CACNA2D3: variants seen among roughly 807,000 people sequenced by gnomAD.
CACNA2D3 encodes the protein voltage-dependent calcium channel subunit alpha-2/delta-3.
CACNA2D3 carries 60 observed loss-of-function variants against 160.6 expected under a neutral mutation model. The observed-to-expected ratio is 0.37, with a 90% CI of 0.30 to 0.46. CACNA2D3 has a LOEUF of 0.46. CACNA2D3 is among the 20% of genes least tolerant of loss of function. The pLI, the probability that CACNA2D3 is intolerant of heterozygous loss-of-function variation, is 1.00. For missense variants in CACNA2D3, 1,205 were observed against 1,365.0 expected (o/e 0.88, Z 1.85); for synonymous variants, 558 against 492.9 (o/e 1.13, Z -1.75).
intron 11 of CACNA2D3, among the ~76,000 whole-genome samples, chr3:54,720,518 C>T (rs1363693687): frequency 1.3e-5 from 2 of 151,844 alleles, no homozygotes; most frequent in Non-Finnish European, 2.9e-5. Context: ...GATGATCATA[C>T]GATGTGTTTT....
intron 2 of CACNA2D3, among the ~76,000 whole-genome samples, chr3:54,235,481 A>C (rs1163602999): frequency 2.6e-5 from 4 of 152,146 alleles, no homozygotes; most frequent in Non-Finnish European, 2.9e-5. Flanking sequence ...ACGCACTTTT[A>C]AACAACCAGA....
At chr3:54,439,402 T>G (rs1172396529) in intron 4 of CACNA2D3, among the ~76,000 whole-genome samples, 1 of 152,066 alleles carries the variant, frequency 6.6e-6, no homozygotes, top group Non-Finnish European at 1.5e-5. Flanking sequence ...TCCTGAGGGC[T>G]TCGGGCAGGG....
chr3:54,279,141 C>T (rs1702814344), intron 2 of CACNA2D3, among the ~76,000 whole-genome samples: 1 of 152,160 alleles, frequency 6.6e-6, no homozygotes, highest in African/African-American at 2.4e-5. Context: ...TGTGAGGCTC[C>T]AACGATGGAG....
At chr3:54,415,926 C>A (rs529236087) in intron 4 of CACNA2D3, among the ~76,000 whole-genome samples, 1 of 152,176 alleles carries the variant, frequency 6.6e-6, no homozygotes, top group Admixed American at 6.5e-5. Context: ...GAAGATGAAA[C>A]TTAGGGATTA....
chr3:54,718,884 T>C (rs1474148179), intron 11 of CACNA2D3, among the ~76,000 whole-genome samples: 2 of 152,066 alleles, frequency 1.3e-5, no homozygotes, highest in Admixed American at 6.5e-5. Context: ...ACATTTTTCC[T>C]AAGGTTTATT....
intron 5 of CACNA2D3, among the ~76,000 whole-genome samples, chr3:54,549,453 A>T (rs1422106574): frequency 6.6e-6 from 1 of 152,148 alleles, no homozygotes; most frequent in African/African-American, 2.4e-5. Flanking sequence ...CTCAAAAACA[A>T]AAAAAACAAC....
intron 9 of CACNA2D3, among the ~76,000 whole-genome samples, chr3:54,623,387 G>A (rs1316569566): frequency 1.3e-5 from 2 of 152,226 alleles, no homozygotes; most frequent in African/African-American, 2.4e-5. Context: ...CTCAATGCCC[G>A]TGCACAACTG....
intron 27 of CACNA2D3, among the ~76,000 whole-genome samples, chr3:54,951,428 A>C (rs1701753964): frequency 6.6e-6 from 1 of 152,196 alleles, no homozygotes; most frequent in Admixed American, 6.5e-5. Flanking sequence ...CATCGACACC[A>C]TTAGGGACAT....
chr3:54,661,824 C>CAG, intron 11 of CACNA2D3, among the ~76,000 whole-genome samples: 1 of 150,670 alleles, frequency 6.6e-6, no homozygotes, highest in Middle Eastern at 3.4e-3. Flanking sequence ...ATGGTTCACA[C>CAG]AGACATCTCA....
chr3:54,801,461 G>T (rs893021253), intron 13 of CACNA2D3, among the ~76,000 whole-genome samples: 1 of 152,140 alleles, frequency 6.6e-6, no homozygotes, highest in Admixed American at 6.5e-5. Flanking sequence ...TTGAGAGGGT[G>T]CCTAACAATT....
intron 13 of CACNA2D3, among the ~76,000 whole-genome samples, chr3:54,771,305 A>C (rs2107112763): frequency 6.6e-6 from 1 of 152,334 alleles, no homozygotes; most frequent in East Asian, 1.9e-4. Context: ...AAATCAGCAC[A>C]GACTTAGTGG....
chr3:54,563,724 C>T (rs981511163), intron 6 of CACNA2D3, among the ~76,000 whole-genome samples: 8 of 152,218 alleles, frequency 5.3e-5, no homozygotes, highest in African/African-American at 1.4e-4. Context: ...GGAGAAAAAC[C>T]CCACCCTGCA....
chr3:54,531,451 G>A (rs1198845433), intron 5 of CACNA2D3, among the ~76,000 whole-genome samples: 2 of 152,170 alleles, frequency 1.3e-5, no homozygotes, highest in East Asian at 3.9e-4. Flanking sequence ...TTTCAATCTC[G>A]TTTTGAGCTG....
Position 54,444,993 on chromosome 3 carries a change from C to G in CACNA2D3, c.381+58219C>G, listed in dbSNP as rs898456894. Among the ~76,000 whole-genome samples the G allele has an allele frequency of 2.0e-5, 3 of 152,362 alleles. No individual in the cohort carries two copies. In the East Asian group the frequency reaches 5.8e-4, roughly 29 times the overall value. On this transcript the variant is annotated intron_variant, in intron 4 of 37. Transcript: ENST00000474759. ...CCCAACCCCCTTAAACAGAGTGAGC[C>G]TCTTCCTGCCATGAGGGAGTCTCAG...
At chr3:54,132,116 G>A (rs944376680) in intron 2 of CACNA2D3, among the ~76,000 whole-genome samples, 2 of 152,208 alleles carry the variant, frequency 1.3e-5, no homozygotes, top group Non-Finnish European at 2.9e-5. Flanking sequence ...AGTGCAATAT[G>A]ACTGCGTCAT....
chr3:54,599,821 G>A (rs1291531956), intron 9 of CACNA2D3, among the ~76,000 whole-genome samples: 2 of 152,142 alleles, frequency 1.3e-5, no homozygotes, highest in Non-Finnish European at 2.9e-5. Context: ...CACTCTGCTC[G>A]TTCCTTAGGT....
chr3:54,675,468 A>G (rs72870680), intron 11 of CACNA2D3, among the ~76,000 whole-genome samples: 3,720 of 152,182 alleles, frequency 0.024, 168 homozygotes, highest in African/African-American at 0.085. Flanking sequence ...GACAGAGGAA[A>G]AAAGTGGTGA....
At chr3:54,516,808 T>C (rs975040566) in intron 5 of CACNA2D3, among the ~76,000 whole-genome samples, 1 of 152,208 alleles carries the variant, frequency 6.6e-6, no homozygotes, top group African/African-American at 2.4e-5. Context: ...GATTTTCATG[T>C]TCTCTACTCA....
chr3:54,898,262 A>T (rs1427208398), intron 26 of CACNA2D3, among the ~76,000 whole-genome samples: 1 of 127,720 alleles, frequency 7.8e-6, no homozygotes, highest in South Asian at 2.4e-4. Context: ...TTGCTCCGTC[A>T]CCCAGGTTGG....
Sources: gnomAD v4.1 joint callset for allele counts (sites outside exome capture counted in the v4.1 genomes callset) on GRCh38, gnomAD v4.1.1 for gene constraint, MANE v1.5 for transcripts, NCBI Gene and HGNC (gene_info 2026-07-23, HGNC 2026-07-21) for gene names.